Variants in CPVL observed in about 807,000 individuals in gnomAD.
The protein encoded by CPVL is carboxypeptidase vitellogenic like, also known as probable serine carboxypeptidase CPVL.
Under a neutral mutation model 63.7 loss-of-function variants are expected in CPVL, and 51 were observed. That is an observed-to-expected ratio of 0.80 (90% CI 0.64 to 1.01). The LOEUF (loss-of-function observed/expected upper bound fraction) is 1.01, where lower values mean the gene tolerates loss of function less well. Among genes scored for constraint, CPVL ranks in the 50% least tolerant of loss-of-function variants. The pLI is 0.00. For synonymous variants in CPVL, 195 were observed against 206.0 expected, an observed-to-expected ratio of 0.95 and a Z score of 0.46; for missense variants, 530 against 573.1, an observed-to-expected ratio of 0.92 and a Z score of 0.77.
intron 7 of CPVL, among the ~76,000 whole-genome samples, chr7:29,075,032 C>G (rs1239939935): frequency 6.6e-6 from 1 of 152,086 alleles, no homozygotes; most frequent in Non-Finnish European, 1.5e-5. Context: ...TTTCCCCTAT[C>G]AGAAATTGGT....
chr7:29,094,399 C>G (rs145498871), intron 5 of CPVL, among the ~76,000 whole-genome samples: 1 of 151,476 alleles, frequency 6.6e-6, no homozygotes, highest in East Asian at 1.9e-4. Context: ...ATATCTATAA[C>G]TCTATGTGAA....
At chr7:29,030,117 A>G (rs1787882428) in intron 12 of CPVL, among the ~76,000 whole-genome samples, 1 of 152,230 alleles carries the variant, frequency 6.6e-6, no homozygotes, top group African/African-American at 2.4e-5. Context: ...CAAGAAAGGA[A>G]GATGATGAGA....
At chr7:29,019,272 G>C (rs145875919) in intron 12 of CPVL, among the ~76,000 whole-genome samples, 2 of 152,174 alleles carry the variant, frequency 1.3e-5, no homozygotes, top group African/African-American at 4.8e-5. Flanking sequence ...CGCTCAGAAA[G>C]TCTGCTGCTC....
At chr7:29,002,912 A>G (rs1326989174) in intron 12 of CPVL, among the ~76,000 whole-genome samples, 6 of 151,758 alleles carry the variant, frequency 4.0e-5, no homozygotes, top group Non-Finnish European at 7.4e-5. Flanking sequence ...ACCATGAAAC[A>G]TTTAACTTAT....
At chr7:29,123,838 G>A (rs1290835884) in intron 1 of CPVL, among the ~76,000 whole-genome samples, 4 of 150,822 alleles carry the variant, frequency 2.7e-5, no homozygotes, top group African/African-American at 7.3e-5. Flanking sequence ...GGTAGTTACA[G>A]CACTTCCCTT....
At chr7:29,073,474 A>G (rs889956160) in intron 7 of CPVL, among the ~76,000 whole-genome samples, 4 of 152,056 alleles carry the variant, frequency 2.6e-5, no homozygotes, top group Admixed American at 2.0e-4. Context: ...AAGGGCTGAC[A>G]TGATCTGCTC....
At chr7:29,016,730 T>G (rs913743779) in intron 12 of CPVL, among the ~76,000 whole-genome samples, 1 of 152,114 alleles carries the variant, frequency 6.6e-6, no homozygotes, top group Admixed American at 6.5e-5. Context: ...ATTGAGGAAG[T>G]GCCAGGGACG....
At chr7:29,059,914 A>G (rs1300771027) in intron 11 of CPVL, among the ~76,000 whole-genome samples, 1 of 152,186 alleles carries the variant, frequency 6.6e-6, no homozygotes, top group Non-Finnish European at 1.5e-5. Context: ...TTTGGAGGGC[A>G]GCAATTTGCC....
intron 5 of CPVL, among the ~76,000 whole-genome samples, chr7:29,171,317 G>C (rs562414843): frequency 6.6e-6 from 1 of 152,248 alleles, no homozygotes; most frequent in African/African-American, 2.4e-5. Context: ...GGTCTATAAA[G>C]AAGAACAACC....
intron 1 of CPVL, among the ~76,000 whole-genome samples, chr7:29,187,177 A>C (rs146294051): frequency 4.6e-5 from 7 of 152,044 alleles, no homozygotes; most frequent in African/African-American, 1.7e-4. Flanking sequence ...GTTGGTTTCC[A>C]CTCCTTTATC....
chr7:29,030,767 GA>G lies in CPVL; in HGVS notation c.1138-9del. The stretch of plus-strand genomic sequence containing the variant: ...GCCATTGTAGATCAGAACCTGAAAT[GA>G]AATCAAGCCATCAGCAAATGCAAGA... On this transcript the variant is annotated splice_polypyrimidine_tract_variant and intron_variant, in intron 11 of 12. Coordinates refer to ENST00000265394, the MANE Select transcript of CPVL (RefSeq NM_031311.5). The G allele has an allele frequency of 6.3e-7, 1 of 1,593,092 alleles. No individual in the cohort carries two copies. The highest frequency in any genetic ancestry group is 8.5e-7 in the Non-Finnish European group (1 of 1,171,224).
At chr7:29,127,225 G>A (rs557272550) in intron 1 of CPVL, among the ~76,000 whole-genome samples, 3 of 152,190 alleles carry the variant, frequency 2.0e-5, no homozygotes, top group Non-Finnish European at 4.4e-5. Context: ...TGGGCATGTG[G>A]TGGAAAGTAA....
chr7:29,079,328 A>T (rs1410374680), intron 7 of CPVL, among the ~76,000 whole-genome samples: 4 of 152,152 alleles, frequency 2.6e-5, no homozygotes, highest in African/African-American at 4.8e-5. Context: ...TTGGTGAACA[A>T]GGCTGCACCA....
At chr7:29,132,988 C>T (rs1790845360) in intron 1 of CPVL, among the ~76,000 whole-genome samples, 1 of 152,166 alleles carries the variant, frequency 6.6e-6, no homozygotes. Context: ...GAAATGACAT[C>T]TCAGATCAAA....
chr7:29,195,405 A>G (rs770947197), upstream of CPVL: 96 of 198,356 alleles, frequency 4.8e-4, no homozygotes, highest in Middle Eastern at 1.9e-3. Flanking sequence ...AATCCGGAGC[A>G]GAGGGGAGCA....
At chr7:29,174,174 C>T (rs1181720364) in intron 5 of CPVL, among the ~76,000 whole-genome samples, 1 of 152,010 alleles carries the variant, frequency 6.6e-6, no homozygotes, top group Non-Finnish European at 1.5e-5. Flanking sequence ...GAGGTGGCTG[C>T]CCCCACACCT....
At chr7:29,169,602 C>T (rs1796336495) in intron 5 of CPVL, among the ~76,000 whole-genome samples, 1 of 152,032 alleles carries the variant, frequency 6.6e-6, no homozygotes, top group Non-Finnish European at 1.5e-5. Flanking sequence ...AAAACAGGAC[C>T]ATTGGCTTTT....
intron 1 of CPVL, among the ~76,000 whole-genome samples, chr7:29,129,925 G>A (rs1182992491): frequency 1.3e-5 from 2 of 152,174 alleles, no homozygotes; most frequent in African/African-American, 2.4e-5. Context: ...GACACTAAGT[G>A]ATGTATCTAC....
intron 9 of CPVL, among the ~76,000 whole-genome samples, chr7:29,069,215 G>A (rs150114362): frequency 0.017 from 2,566 of 151,266 alleles, 67 homozygotes; most frequent in African/African-American, 0.058. Flanking sequence ...CGAGGCGGGC[G>A]GATCACTTGA....
Sources: allele counts gnomAD v4.1 joint callset (sites outside exome capture counted in the v4.1 genomes callset), GRCh38; gene constraint gnomAD v4.1.1; transcripts MANE v1.5; gene names NCBI Gene and HGNC (gene_info 2026-07-23, HGNC 2026-07-21).